EXTL3: variants seen among roughly 807,000 people sequenced by gnomAD.
The protein encoded by EXTL3 is exostosin like glycosyltransferase 3.
EXTL3 carries 27 observed loss-of-function variants against 69.3 expected under a neutral mutation model. The observed-to-expected ratio is 0.39, with a 90% confidence interval of 0.29 to 0.54. The LOEUF is 0.54. EXTL3 is among the 20% of genes least tolerant of loss of function. The probability of loss-of-function intolerance (pLI) is 0.69; values close to 1 mark genes in which losing one functional copy is unlikely to be tolerated. For synonymous variants in EXTL3, 511 were observed against 499.4 expected (o/e 1.02, Z -0.31); for missense variants, 1,003 against 1,231.8 (o/e 0.81, Z 2.78).
At chr8:28,658,240 A>G (rs1272337611) in intron 1 of EXTL3, among the ~76,000 whole-genome samples, 1 of 152,010 alleles carries the variant, frequency 6.6e-6, no homozygotes, top group African/African-American at 2.4e-5. Flanking sequence ...CCTGCTTATT[A>G]TGTCAGGCCT....
chr8:28,723,992 C>T (rs778581643), intron 3 of EXTL3, among the ~76,000 whole-genome samples: 77 of 146,782 alleles, frequency 5.2e-4, no homozygotes, highest in Admixed American at 1.0e-3. Flanking sequence ...TTTTTTTTTT[C>T]CACGTGTAAA....
chr8:28,713,397 T>C, intron 1 of EXTL3, 60 bp from the exon 2 acceptor site: 1 of 653,102 alleles, frequency 1.5e-6, no homozygotes, highest in Non-Finnish European at 2.7e-6. Flanking sequence ...CAGTATTGAG[T>C]ATTTTTCTAA....
intron 1 of EXTL3, among the ~76,000 whole-genome samples, chr8:28,671,104 G>A (rs190950772): frequency 8.6e-5 from 13 of 151,364 alleles, no homozygotes; most frequent in East Asian, 5.8e-4. Context: ...CCTCTGCCTC[G>A]CCAGTAGTTG....
chr8:28,724,870 A>G (rs1238471385), intron 3 of EXTL3, among the ~76,000 whole-genome samples: 1 of 151,730 alleles, frequency 6.6e-6, no homozygotes, highest in Non-Finnish European at 1.5e-5. Flanking sequence ...CCTCCCTCCC[A>G]TCGCTCACCT....
At chr8:28,643,977 C>T (rs1432656616) in intron 1 of EXTL3, among the ~76,000 whole-genome samples, 1 of 152,134 alleles carries the variant, frequency 6.6e-6, no homozygotes, top group African/African-American at 2.4e-5. Context: ...GTTGCCCAGG[C>T]TGGTCTCAAA....
At position 28,729,595 on chromosome 8, in the gene EXTL3, CAAAAAAAAAAAAA is replaced by C. The variant is rs567929424; in HGVS notation, c.2149-1612_2149-1600del. Among the ~76,000 whole-genome samples the C allele has an allele frequency of 4.2e-4, 14 of 33,238 alleles. 1 individual carries two copies. The highest frequency in any genetic ancestry group is 3.8e-3 in the South Asian group (2 of 528). The allele number at this position is 33,238 out of a possible 152,430, so 21.8% of individuals were successfully genotyped here. The stretch of plus-strand genomic sequence containing the variant: ...TGGGTGACAGAGTGAGACTCCATCT[CAAAAAAAAAAAAA>C]AAAAAAAAAAAAAAAGCATTTTCTA... On this transcript the variant is annotated intron_variant, in intron 3 of 6. Transcript: ENST00000220562.
chr8:28,671,309 G>GTTTTTTTTTTT (rs749395423), intron 1 of EXTL3, among the ~76,000 whole-genome samples: 25 of 89,612 alleles, frequency 2.8e-4, no homozygotes, highest in East Asian at 7.1e-4. Context: ...TTTGTTTTTT[G>GTTTTTTTTTTT]TTTTTTTTTT....
intron 5 of EXTL3, among the ~76,000 whole-genome samples, chr8:28,738,886 G>A (rs1182897209): frequency 6.6e-6 from 1 of 152,158 alleles, no homozygotes; most frequent in East Asian, 1.9e-4. Context: ...CAAAGACGGT[G>A]GCACCTGCCT....
At chr8:28,691,822 G>T (rs1003081014) in intron 1 of EXTL3, among the ~76,000 whole-genome samples, 4 of 151,278 alleles carry the variant, frequency 2.6e-5, no homozygotes, top group African/African-American at 7.3e-5. Flanking sequence ...ACTTGAACCC[G>T]GGAGGCAGAA....
At chr8:28,671,016 T>C (rs1261242073) in intron 1 of EXTL3, among the ~76,000 whole-genome samples, 1 of 151,966 alleles carries the variant, frequency 6.6e-6, no homozygotes, top group East Asian at 1.9e-4. Context: ...AGTCTTGCTC[T>C]GTCACCTAGG....
Position 28,685,167 on chromosome 8 carries a change from G to A in EXTL3, c.-52-28290G>A, listed in dbSNP as rs1315193494. 3.3e-5 allele frequency among the ~76,000 whole-genome samples: 5 copies of A among 152,192 alleles called. No homozygotes were observed. The East Asian group carries it at 9.7e-4, about 29-fold the overall frequency. On this transcript the variant is annotated intron_variant, in intron 1 of 6. Coordinates refer to the EXTL3 transcript ENST00000523149. ...GAGTTTCACCATGTTGGCCAGGCTG[G>A]TCTTGAACTCCTGACATCGTGATCC... is the stretch of plus-strand genomic sequence containing the variant.
intron 5 of EXTL3, among the ~76,000 whole-genome samples, 176 bp downstream of exon 5, chr8:28,737,839 G>A (rs1183949020): frequency 6.6e-6 from 1 of 152,190 alleles, no homozygotes; most frequent in African/African-American, 2.4e-5. Context: ...GCAACTCTGG[G>A]ATAAAAAGTC....
intron 6 of EXTL3, among the ~76,000 whole-genome samples, chr8:28,749,932 G>A (rs911988514): frequency 6.6e-6 from 1 of 152,182 alleles, no homozygotes; most frequent in African/African-American, 2.4e-5. Flanking sequence ...GGGCTCAAGC[G>A]ATCTTCCTGC....
intron 1 of EXTL3, among the ~76,000 whole-genome samples, chr8:28,667,906 T>C (rs906794122): frequency 1.3e-5 from 2 of 150,946 alleles, no homozygotes; most frequent in Non-Finnish European, 2.9e-5. Flanking sequence ...GCGTGGTGGC[T>C]CACACCTGTC....
intron 1 of EXTL3, among the ~76,000 whole-genome samples, chr8:28,707,561 A>G (rs1271615541): frequency 2.0e-5 from 3 of 152,176 alleles, no homozygotes; most frequent in Admixed American, 6.5e-5. Flanking sequence ...TTAGCTGTCT[A>G]TGTTGATTGA....
intron 3 of EXTL3, among the ~76,000 whole-genome samples, chr8:28,726,683 T>G (rs1005266503): frequency 2.6e-5 from 4 of 151,920 alleles, no homozygotes; most frequent in African/African-American, 9.7e-5. Flanking sequence ...TAGCGCACCC[T>G]TTTCTCCAGT....
chr8:28,726,615 G>C (rs1192163354), intron 3 of EXTL3, among the ~76,000 whole-genome samples: 1 of 152,092 alleles, frequency 6.6e-6, no homozygotes, highest in African/African-American at 2.4e-5. Flanking sequence ...GGGCTGTCTT[G>C]TGCACTATAG....
rs1414709528 is a variant in EXTL3, at chr8:28,716,099, A to T, written c.40A>T (p.Asn14Tyr). 6.2e-7 allele frequency: 1 copy of T among 1,612,288 alleles called. No homozygotes were observed. Among genetic ancestry groups the T allele is most frequent in the Admixed American group, 1.7e-5 (1 of 60,014 alleles). The stretch of plus-strand genomic sequence containing the variant: ...CATGCTGCGGAATGGGGGCGCGGGG[A>T]ACGGAGGTCAGACCTGCATGCTGCG... ...YTMLRNGGAG[N>Y]GGQTCMLRWS... The change falls in exon 3 of 7, where the codon AAC (asparagine) becomes TAC (tyrosine). Residue 14 changes from asparagine to tyrosine, a missense_variant. Asn to Tyr is a moderately radical substitution (Grantham distance 143). Coordinates refer to ENST00000220562, the MANE Select transcript of EXTL3 (RefSeq NM_001440.4). This position sits in a 1 kb window ranked among gnomAD's most constrained non-coding sequence, Gnocchi z 7.1.
At chr8:28,689,444 A>G (rs1386697872) in intron 1 of EXTL3, among the ~76,000 whole-genome samples, 1 of 152,224 alleles carries the variant, frequency 6.6e-6, no homozygotes, top group Non-Finnish European at 1.5e-5. Context: ...TAAAAAATAT[A>G]GATCTGACTA....
Sources: allele counts gnomAD v4.1 joint callset (sites outside exome capture counted in the v4.1 genomes callset), GRCh38; gene constraint gnomAD v4.1.1; non-coding constraint Gnocchi (gnomAD v3.1); transcripts MANE v1.5; gene names NCBI Gene and HGNC (gene_info 2026-07-23, HGNC 2026-07-21).